CALN1: variants seen among roughly 807,000 people sequenced by gnomAD.
CALN1 encodes the protein calneuron 1.
Under a neutral mutation model 30.6 loss-of-function variants are expected in CALN1, and 17 were observed. That is an observed-to-expected ratio of 0.56 (90% CI 0.38 to 0.83). CALN1 has a LOEUF of 0.83. Among genes scored for constraint, CALN1 ranks in the 40% least tolerant of loss-of-function variants. CALN1 has a pLI of 0.00. For synonymous variants in CALN1, 156 were observed against 131.4 expected (o/e 1.19, Z -1.28); for missense variants, 291 against 354.9 (o/e 0.82, Z 1.45).
chr7:72,368,334 T>C (rs955127092), intron 2 of CALN1, among the ~76,000 whole-genome samples: 1 of 151,436 alleles, frequency 6.6e-6, no homozygotes, highest in African/African-American at 2.4e-5. Flanking sequence ...TTGTGCACTT[T>C]TTACATATAT....
chr7:72,360,792 C>A (rs1803527420), intron 2 of CALN1, among the ~76,000 whole-genome samples: 2 of 151,574 alleles, frequency 1.3e-5, no homozygotes, highest in South Asian at 4.2e-4. Flanking sequence ...GCAATGGCAT[C>A]ATCTCAGCTC....
chr7:72,087,639 A>T (rs2129539416), intron 4 of CALN1, among the ~76,000 whole-genome samples: 1 of 152,322 alleles, frequency 6.6e-6, no homozygotes. Context: ...TGATCAGTAG[A>T]CTACTCACTG....
chr7:72,175,975 C>CA (rs1789321611), intron 3 of CALN1, among the ~76,000 whole-genome samples: 1 of 152,006 alleles, frequency 6.6e-6, no homozygotes, highest in African/African-American at 2.4e-5. Flanking sequence ...AATGCAAACT[C>CA]AGAGGGTATG....
At chr7:72,203,499 C>T (rs546968630) in intron 3 of CALN1, among the ~76,000 whole-genome samples, 1 of 152,194 alleles carries the variant, frequency 6.6e-6, no homozygotes, top group South Asian at 2.1e-4. Context: ...TTCTGGGGAC[C>T]TGCAATACTT....
chr7:72,245,142 C>T (rs879650982), intron 3 of CALN1, among the ~76,000 whole-genome samples: 2 of 152,184 alleles, frequency 1.3e-5, no homozygotes, highest in Admixed American at 6.5e-5. Context: ...GCTGGAGGTG[C>T]TATGTAGGGT....
chr7:71,972,697 C>T (rs548160520), intron 5 of CALN1, among the ~76,000 whole-genome samples: 31 of 152,254 alleles, frequency 2.0e-4, no homozygotes, highest in African/African-American at 7.0e-4. Context: ...CTGTTGATTA[C>T]CATGCAGCTT....
chr7:72,186,567 C>T (rs1449898396), intron 3 of CALN1, among the ~76,000 whole-genome samples: 1 of 152,190 alleles, frequency 6.6e-6, no homozygotes, highest in Non-Finnish European at 1.5e-5. Context: ...CAGCCCTTGC[C>T]TCCTTCCTCC....
intron 3 of CALN1, among the ~76,000 whole-genome samples, chr7:72,175,980 G>A (rs574647949): frequency 2.6e-5 from 4 of 151,990 alleles, no homozygotes; most frequent in African/African-American, 7.2e-5. Flanking sequence ...AAACTCAGAG[G>A]GTATGCCTGC....
intron 4 of CALN1, among the ~76,000 whole-genome samples, chr7:72,086,681 G>A (rs1277078977): frequency 6.6e-6 from 1 of 152,104 alleles, no homozygotes; most frequent in Non-Finnish European, 1.5e-5. Flanking sequence ...TGATCCACCT[G>A]CCTCAGCCTC....
intron 2 of CALN1, among the ~76,000 whole-genome samples, chr7:72,319,371 T>C (rs1800715625): frequency 6.6e-6 from 1 of 152,176 alleles, no homozygotes; most frequent in South Asian, 2.1e-4. Context: ...AGAGAGCTTG[T>C]GCAGGGAAAC....
chr7:72,211,514 C>G (rs1792391496), intron 3 of CALN1, among the ~76,000 whole-genome samples: 1 of 150,028 alleles, frequency 6.7e-6, no homozygotes, highest in Non-Finnish European at 1.5e-5. Context: ...TTACTCCTAT[C>G]ATAGTTCAGG....
intron 2 of CALN1, among the ~76,000 whole-genome samples, chr7:72,391,591 A>C (rs1235228687): frequency 2.6e-5 from 4 of 152,016 alleles, no homozygotes; most frequent in African/African-American, 4.8e-5. Context: ...TGTGGGAGAG[A>C]CCCAGTGGGA....
At chr7:72,071,649 T>C (rs1410107480) in intron 4 of CALN1, among the ~76,000 whole-genome samples, 1 of 152,110 alleles carries the variant, frequency 6.6e-6, no homozygotes, top group East Asian at 1.9e-4. Context: ...TGCTGGAGAA[T>C]GGGGAGAATT....
At position 72,316,968 on chromosome 7, in the gene CALN1, G is replaced by A. The variant is rs116540934; in HGVS notation, c.120-38158C>T. ...TCAAAAGAAAAATAAACAAATAAAC[G>A]AAAGGAAAGGAAAGGAAAAAAAAAG... On this transcript the variant is annotated intron_variant, in intron 2 of 6. Coordinates refer to ENST00000395275, the MANE Select transcript of CALN1 (RefSeq NM_031468.4). Among the ~76,000 whole-genome samples, 1,229 of 132,260 alleles carry A rather than the reference G, an allele frequency of 9.3e-3. 22 individuals carry two copies. Among genetic ancestry groups the A allele is most frequent in the African/African-American group, 0.034 (1,175 of 34,210 alleles). The allele number at this position is 132,260 out of a possible 152,430, so 86.8% of individuals were successfully genotyped here. A position where few individuals can be genotyped will look rare whatever the true frequency, so the allele number is the denominator to read the frequency against.
intron 5 of CALN1, among the ~76,000 whole-genome samples, chr7:71,918,287 G>A (rs576202049): frequency 3.9e-5 from 6 of 152,266 alleles, no homozygotes; most frequent in African/African-American, 1.2e-4. Flanking sequence ...GAAGACTCTC[G>A]AAGAGTCGTG....
chr7:71,998,221 C>T (rs1355089215), intron 5 of CALN1, among the ~76,000 whole-genome samples: 2 of 152,000 alleles, frequency 1.3e-5, no homozygotes, highest in African/African-American at 2.4e-5. Context: ...TTACCATGAT[C>T]AGATTTACCC....
rs576612779 is a variant in CALN1 at position 71,817,763 on chromosome 7, C to T, written c.502-7271G>A. ...TCTCCTGACCTTGTAATCCACCTGCCTTGGCCTCCCAAAGAGCTGGGATTA... is the reference window on the plus strand; with the variant it reads ...TCTCCTGACCTTGTAATCCACCTGCTTTGGCCTCCCAAAGAGCTGGGATTA... On this transcript the variant is annotated intron_variant, in intron 5 of 6. Transcript: ENST00000395275. 3.0e-3 allele frequency among the ~76,000 whole-genome samples: 452 copies of T among 152,270 alleles called. 2 individuals carry two copies. Among genetic ancestry groups the T allele is most frequent in the Non-Finnish European group, 5.2e-3 (355 of 68,024 alleles).
chr7:72,079,512 T>C lies in CALN1; in HGVS notation c.388+26639A>G, dbSNP rs540920837. 3.5e-4 allele frequency among the ~76,000 whole-genome samples: 53 copies of C among 152,248 alleles called. No homozygotes were observed. In the Middle Eastern group the frequency reaches 0.01, roughly 29 times the overall value. On this transcript the variant is annotated intron_variant, in intron 4 of 6. Transcript: ENST00000395275. ...AAGTTGGTACGAGAGTAATTGGTGT[T>C]TGCCATTTTGAAAGTAATGGCAAAA...
chr7:72,202,145 G>A (rs899554635), intron 3 of CALN1, among the ~76,000 whole-genome samples: 1 of 152,070 alleles, frequency 6.6e-6, no homozygotes, highest in Non-Finnish European at 1.5e-5. Context: ...AGTAACATAA[G>A]ATTTGCAAGA....
Sources: gnomAD v4.1 joint callset for allele counts (sites outside exome capture counted in the v4.1 genomes callset) on GRCh38, gnomAD v4.1.1 for gene constraint, MANE v1.5 for transcripts, NCBI Gene and HGNC (gene_info 2026-07-23, HGNC 2026-07-21) for gene names.